Variants in LRP1B observed in about 807,000 individuals in gnomAD.
LRP1B encodes the protein low-density lipoprotein receptor-related protein 1B.
A neutral mutation model predicts 556.6 loss-of-function variants in LRP1B; 217 were observed. That is an observed-to-expected ratio of 0.39 (90% CI 0.35 to 0.44). LRP1B has a LOEUF of 0.44. Ranked by LOEUF, LRP1B falls within the 20% of genes least tolerant of loss-of-function variation. The pLI, the probability that LRP1B is intolerant of heterozygous loss-of-function variation, is 1.00. For missense variants in LRP1B, 5,053 were observed against 5,620.8 expected (o/e 0.90, Z 3.23); for synonymous variants, 2,047 against 1,865.8 (o/e 1.10, Z -2.50).
chr2:141,438,198 T>C (rs1453944792), intron 3 of LRP1B, among the ~76,000 whole-genome samples: 1 of 152,178 alleles, frequency 6.6e-6, no homozygotes, highest in Non-Finnish European at 1.5e-5. Context: ...ATGCTTAAGT[T>C]GATTACGGAG....
intron 12 of LRP1B, among the ~76,000 whole-genome samples, chr2:141,016,585 T>C (rs2105391058): frequency 6.6e-6 from 1 of 152,222 alleles, no homozygotes; most frequent in East Asian, 1.9e-4. Flanking sequence ...CTTGAGATTT[T>C]GAGCTTTAAT....
intron 19 of LRP1B, among the ~76,000 whole-genome samples, chr2:140,951,426 A>C (rs1283797375): frequency 6.6e-6 from 1 of 152,176 alleles, no homozygotes. Flanking sequence ...TAGCATAGTA[A>C]TACAATTGAA....
At chr2:141,470,827 T>G (rs539733228) in intron 3 of LRP1B, among the ~76,000 whole-genome samples, 51 of 152,332 alleles carry the variant, frequency 3.3e-4, no homozygotes, top group African/African-American at 1.2e-3. Flanking sequence ...AAAACAATGA[T>G]ATATTTTTCA....
At chr2:140,438,032 T>A (rs1243202616) in intron 66 of LRP1B, among the ~76,000 whole-genome samples, 1 of 152,198 alleles carries the variant, frequency 6.6e-6, no homozygotes, top group African/African-American at 2.4e-5. Flanking sequence ...TTGTTTGTTT[T>A]TTCTGAGATA....
At chr2:141,733,945 C>G (rs1693373026) in intron 2 of LRP1B, among the ~76,000 whole-genome samples, 1 of 152,038 alleles carries the variant, frequency 6.6e-6, no homozygotes, top group Non-Finnish European at 1.5e-5. Flanking sequence ...ACTGTATATA[C>G]CTGCCTTTAT....
chr2:141,430,436 C>A (rs1680520856), intron 3 of LRP1B, among the ~76,000 whole-genome samples: 1 of 151,848 alleles, frequency 6.6e-6, no homozygotes, highest in African/African-American at 2.4e-5. Flanking sequence ...TAATGGGCTG[C>A]AACAAAATCT....
In LRP1B at chr2:140,356,588, T is replaced by C. The variant is rs1682233023; in HGVS notation, c.11396-112A>G. The C allele has an allele frequency of 5.7e-6, 4 of 703,224 alleles. No individual in the cohort carries two copies. The South Asian group carries it at 7.6e-5, about 13-fold the overall frequency. The allele number at this position is 703,224 out of a possible 1,614,324, so 43.6% of individuals were successfully genotyped here. Reference sequence around the variant, plus strand: ...TTATTATTCCACAGATAACTCTTTTTGAATGTACAAGGTTACGGTCTTCTC... The same window carrying C: ...TTATTATTCCACAGATAACTCTTTTCGAATGTACAAGGTTACGGTCTTCTC... On this transcript the variant is annotated intron_variant, in intron 74 of 90. Coordinates refer to ENST00000389484, the MANE Select transcript of LRP1B (RefSeq NM_018557.3).
At chr2:141,144,533 A>T (rs1701734682) in intron 7 of LRP1B, among the ~76,000 whole-genome samples, 1 of 152,282 alleles carries the variant, frequency 6.6e-6, no homozygotes, top group South Asian at 2.1e-4. Flanking sequence ...TCTAAGTTAA[A>T]TCTCTCTAGT....
chr2:141,143,901 C>G (rs920232153), intron 7 of LRP1B, among the ~76,000 whole-genome samples: 4 of 151,634 alleles, frequency 2.6e-5, no homozygotes, highest in Non-Finnish European at 5.9e-5. Flanking sequence ...TGGGGTTACA[C>G]AGTTAGTAAT....
chr2:140,279,404 C>T (rs1423984432), intron 84 of LRP1B, among the ~76,000 whole-genome samples: 1 of 151,924 alleles, frequency 6.6e-6, no homozygotes, highest in Non-Finnish European at 1.5e-5. Flanking sequence ...GTAATTGACT[C>T]AGAGTAATAT....
rs16847452 is a variant in LRP1B at position 141,873,056 on chromosome 2, T to C, written c.83-62655A>G. ...AATGAATAATGGTGAGTGTTTATTG[T>C]ATTAATTTCAGATTTATGACCAAAG... On this transcript the variant is annotated intron_variant, in intron 1 of 90. Transcript: ENST00000389484. Among the ~76,000 whole-genome samples the C allele has an allele frequency of 5.4e-3, 820 of 152,182 alleles. 8 individuals carry two copies. Among genetic ancestry groups the C allele is most frequent in the African/African-American group, 0.019 (772 of 41,556 alleles).
intron 2 of LRP1B, among the ~76,000 whole-genome samples, chr2:141,513,862 G>T (rs549658205): frequency 6.6e-6 from 1 of 152,162 alleles, no homozygotes; most frequent in Non-Finnish European, 1.5e-5. Flanking sequence ...TGGACTGGTC[G>T]TGGAGGAAGT....
intron 3 of LRP1B, among the ~76,000 whole-genome samples, chr2:141,355,463 C>T (rs1452774476): frequency 1.3e-5 from 2 of 152,002 alleles, no homozygotes; most frequent in African/African-American, 4.8e-5. Context: ...AGTCAATCCC[C>T]ACCTCCACCA....
intron 1 of LRP1B, among the ~76,000 whole-genome samples, chr2:141,988,624 G>A (rs575383566): frequency 2.0e-5 from 3 of 152,070 alleles, no homozygotes; most frequent in African/African-American, 7.2e-5. Flanking sequence ...TTTGGTAAGA[G>A]TTTATTTCAA....
At chr2:141,322,432 A>G (rs1190138785) in intron 3 of LRP1B, among the ~76,000 whole-genome samples, 1 of 152,036 alleles carries the variant, frequency 6.6e-6, no homozygotes, top group Non-Finnish European at 1.5e-5. Context: ...CCTGAGCTTT[A>G]GGTATGTCCG....
intron 1 of LRP1B, among the ~76,000 whole-genome samples, chr2:141,869,972 A>T (rs1698530426): frequency 6.6e-6 from 1 of 152,046 alleles, no homozygotes; most frequent in South Asian, 2.1e-4. Context: ...CCTTTTATTT[A>T]CTGTAAGCTA....
intron 2 of LRP1B, among the ~76,000 whole-genome samples, chr2:141,578,238 A>C (rs1441323968): frequency 6.6e-6 from 1 of 151,180 alleles, no homozygotes; most frequent in East Asian, 1.9e-4. Context: ...TACTAAAAAT[A>C]CAAAAAAATT....
At chr2:141,340,609 T>C (rs1051722284) in intron 3 of LRP1B, among the ~76,000 whole-genome samples, 1 of 152,196 alleles carries the variant, frequency 6.6e-6, no homozygotes, top group Admixed American at 6.5e-5. Flanking sequence ...TTCACTAATT[T>C]AAGTGATCTC....
chr2:142,005,196 A>AT (rs1207145408), intron 1 of LRP1B, among the ~76,000 whole-genome samples: 1 of 151,076 alleles, frequency 6.6e-6, no homozygotes, highest in African/African-American at 2.4e-5. Context: ...GCCTATATAT[A>AT]TTTAGTGCAG....
Sources: gnomAD v4.1 joint callset for allele counts (sites outside exome capture counted in the v4.1 genomes callset) on GRCh38, gnomAD v4.1.1 for gene constraint, MANE v1.5 for transcripts, NCBI Gene and HGNC (gene_info 2026-07-23, HGNC 2026-07-21) for gene names.